Variants in SYNPO2 observed in about 807,000 individuals in gnomAD.
The protein encoded by SYNPO2 is synaptopodin-2.
SYNPO2 carries 56 observed loss-of-function variants against 85.0 expected under a neutral mutation model. That is an observed-to-expected ratio of 0.66 (90% CI 0.53 to 0.82). The LOEUF is 0.82. SYNPO2 is among the 40% of genes least tolerant of loss of function. SYNPO2 has a pLI of 0.00. For missense variants in SYNPO2, 1,575 were observed against 1,534.2 expected (o/e 1.03, Z -0.44); for synonymous variants, 602 against 591.1 (o/e 1.02, Z -0.27).
At position 119,058,292 on chromosome 4, in the gene SYNPO2, AG is replaced by A. The variant is rs1280090647; in HGVS notation, c.*359del. On this transcript the variant is annotated 3_prime_UTR_variant, in exon 5 of 5. Transcript: ENST00000307142. ...ACTCTACTCAATTAAAGTAAAACTA[AG>A]TATTTCTTCATTGTACCTTAGTCCA... 5.9e-6 allele frequency: 1 copy of A among 169,968 alleles called. No individual in the cohort carries two copies. The allele number at this position is 169,968 out of a possible 1,614,324, so 10.5% of individuals were successfully genotyped here. A position where few individuals can be genotyped will look rare whatever the true frequency, so the allele number is the denominator to read the frequency against.
intron 1 of SYNPO2, among the ~76,000 whole-genome samples, chr4:118,855,915 C>G (rs76533601): frequency 5.3e-5 from 8 of 152,012 alleles, no homozygotes; most frequent in African/African-American, 1.7e-4. Context: ...TTCTTTTTCC[C>G]TTTTTCTTTT....
At chr4:119,056,482 A>G (rs1041277182) in intron 4 of SYNPO2, among the ~76,000 whole-genome samples, 2 of 152,086 alleles carry the variant, frequency 1.3e-5, no homozygotes, top group African/African-American at 2.4e-5. Context: ...GCTTGAGCCC[A>G]GGAGTTTGAG....
chr4:118,961,096 A>ACCC (rs1436032380), intron 1 of SYNPO2, among the ~76,000 whole-genome samples: 113 of 36,454 alleles, frequency 3.1e-3, no homozygotes, highest in East Asian at 0.016. Context: ...GGGCTATTTT[A>ACCC]CCGCCCCCCC....
chr4:118,967,421 C>T (rs1345241718), intron 1 of SYNPO2, among the ~76,000 whole-genome samples: 1 of 152,232 alleles, frequency 6.6e-6, no homozygotes, highest in Non-Finnish European at 1.5e-5. Flanking sequence ...TAAGAGCCAG[C>T]GTTCTGAAAA....
chr4:119,043,823 AGGTACCC>A (rs1167209434), intron 4 of SYNPO2: 1 of 151,122 alleles, frequency 6.6e-6, no homozygotes, highest in South Asian at 2.1e-4. Context: ...CTGTAATCCC[AGGTACCC>A]GGCAGGGTGA....
chr4:118,892,293 T>C (rs1050972542), intron 1 of SYNPO2, among the ~76,000 whole-genome samples: 11 of 152,308 alleles, frequency 7.2e-5, no homozygotes, highest in Non-Finnish European at 4.4e-5. Flanking sequence ...AAGTAATCAG[T>C]AACATAAGCT....
intron 4 of SYNPO2, chr4:119,033,968 T>C: frequency 1.0e-6 from 1 of 985,446 alleles, no homozygotes; most frequent in Non-Finnish European, 1.2e-6. Flanking sequence ...TGGAAAATCT[T>C]TCATTGCTTT....
rs958939080 is a variant in SYNPO2, at chr4:119,058,974, G to C, written c.*1040G>C. The C allele has an allele frequency of 1.5e-4, 23 of 152,286 alleles. No homozygotes were observed. Among genetic ancestry groups the C allele is most frequent in the Admixed American group, 5.9e-4 (9 of 15,300 alleles). The allele number at this position is 152,286 out of a possible 1,614,324, so 9.4% of individuals were successfully genotyped here. On this transcript the variant is annotated 3_prime_UTR_variant, in exon 5 of 5. Transcript: ENST00000307142. ...GTGACAGGAATAGATTCTGGGTTCAGGGGTCCCCATCTGTCAAATGAGAAG... is the reference window on the plus strand; with the variant it reads ...GTGACAGGAATAGATTCTGGGTTCACGGGTCCCCATCTGTCAAATGAGAAG...
At chr4:118,975,795 A>G (rs1359229370) in intron 1 of SYNPO2, among the ~76,000 whole-genome samples, 1 of 152,226 alleles carries the variant, frequency 6.6e-6, no homozygotes, top group Non-Finnish European at 1.5e-5. Context: ...AGGGCTAAGA[A>G]TATGTGCTCC....
chr4:118,982,995 G>T (rs536833442), intron 1 of SYNPO2, among the ~76,000 whole-genome samples: 1 of 152,124 alleles, frequency 6.6e-6, no homozygotes, highest in Non-Finnish European at 1.5e-5. Flanking sequence ...TGGAACGTCA[G>T]TGACTCTTGA....
intron 4 of SYNPO2, among the ~76,000 whole-genome samples, chr4:119,041,599 C>T (rs978287125): frequency 6.6e-6 from 1 of 152,056 alleles, no homozygotes; most frequent in Admixed American, 6.5e-5. Context: ...TTGAATTCTG[C>T]ATTATGAAAT....
chr4:118,910,000 C>G (rs1349566173), intron 1 of SYNPO2, among the ~76,000 whole-genome samples: 1 of 152,194 alleles, frequency 6.6e-6, no homozygotes, highest in Non-Finnish European at 1.5e-5. Flanking sequence ...AATTCCACCC[C>G]CTTCCCCATT....
At chr4:118,942,152 C>G (rs1013465060) in intron 1 of SYNPO2, among the ~76,000 whole-genome samples, 3 of 152,164 alleles carry the variant, frequency 2.0e-5, no homozygotes, top group Non-Finnish European at 4.4e-5. Context: ...CAGTCTCTCC[C>G]CAGCCCTCAA....
At chr4:118,970,444 A>G (rs576550056) in intron 1 of SYNPO2, among the ~76,000 whole-genome samples, 1 of 152,200 alleles carries the variant, frequency 6.6e-6, no homozygotes, top group Non-Finnish European at 1.5e-5. Flanking sequence ...GTACTCTTTA[A>G]TATTCACTAA....
At chr4:118,859,323 T>C (rs1731567925) in intron 1 of SYNPO2, among the ~76,000 whole-genome samples, 1 of 152,214 alleles carries the variant, frequency 6.6e-6, no homozygotes, top group African/African-American at 2.4e-5. Context: ...ATGGGTTACA[T>C]GAGATATTTT....
chr4:119,006,458 A>G (rs1737034860), intron 1 of SYNPO2: 1 of 152,198 alleles, frequency 6.6e-6, no homozygotes, highest in African/African-American at 2.4e-5. Flanking sequence ...TTACTAAGAG[A>G]AATTATGTGA....
At chr4:118,984,334 A>G (rs1736139221) in intron 1 of SYNPO2, among the ~76,000 whole-genome samples, 1 of 152,226 alleles carries the variant, frequency 6.6e-6, no homozygotes, top group Admixed American at 6.5e-5. Flanking sequence ...ATTTAGAATA[A>G]TAATGTTTAG....
At chr4:119,015,995 C>T (rs1309733251) in intron 1 of SYNPO2, among the ~76,000 whole-genome samples, 4 of 152,178 alleles carry the variant, frequency 2.6e-5, no homozygotes, top group East Asian at 3.9e-4. Context: ...AACCAAATAA[C>T]GATGGTAAAT....
chr4:119,038,401 G>C, intron 4 of SYNPO2: 5 of 985,078 alleles, frequency 5.1e-6, no homozygotes, highest in Non-Finnish European at 6.0e-6. Flanking sequence ...CAGCAATGTT[G>C]TGTGACTTCT....
Sources: gnomAD v4.1 joint callset for allele counts (sites outside exome capture counted in the v4.1 genomes callset) on GRCh38, gnomAD v4.1.1 for gene constraint, MANE v1.5 for transcripts, NCBI Gene and HGNC (gene_info 2026-07-23, HGNC 2026-07-21) for gene names.